Variants in BCL7A observed in about 807,000 individuals in gnomAD.
BCL7A encodes the protein B-cell CLL/lymphoma 7 protein family member A.
Under a neutral mutation model 28.4 loss-of-function variants are expected in BCL7A, and 11 were observed. The observed-to-expected ratio is 0.39, with a 90% confidence interval of 0.24 to 0.64. The LOEUF is 0.64. Among genes scored for constraint, BCL7A ranks in the 30% least tolerant of loss-of-function variants. The pLI, the probability that BCL7A is intolerant of heterozygous loss-of-function variation, is 0.50. For synonymous variants in BCL7A, 123 were observed against 103.3 expected (o/e 1.19, Z -1.15); for missense variants, 222 against 274.8 (o/e 0.81, Z 1.36).
At chr12:122,034,741 C>CAA (rs758389528) in intron 2 of BCL7A, among the ~76,000 whole-genome samples, 15 of 122,056 alleles carry the variant, frequency 1.2e-4, no homozygotes, top group Admixed American at 1.7e-4. Flanking sequence ...GACTCTGTCT[C>CAA]AAAAAAAAAA....
At chr12:122,056,927 G>A (rs923052035) in intron 5 of BCL7A, among the ~76,000 whole-genome samples, 3 of 152,200 alleles carry the variant, frequency 2.0e-5, no homozygotes, top group Non-Finnish European at 2.9e-5. Context: ...CAAGTCCATC[G>A]CATGTCCTAC....
intron 1 of BCL7A, among the ~76,000 whole-genome samples, chr12:122,022,636 C>G (rs1204157448): frequency 6.9e-6 from 1 of 145,644 alleles, no homozygotes; most frequent in African/African-American, 2.5e-5. Flanking sequence ...CCGAGCGGGC[C>G]GCCGCCGCCG....
At chr12:122,022,230 C>A (rs768573278) in intron 1 of BCL7A, 47 bp downstream of exon 1, 1 of 1,325,200 alleles carries the variant, frequency 7.5e-7, no homozygotes, top group Non-Finnish European at 9.9e-7. Context: ...CCGCCCCGAG[C>A]CCGAGCGCGG....
At position 122,059,231 on chromosome 12, in the gene BCL7A, T is replaced by C. The variant is rs1378937206; in HGVS notation, c.*68T>C. ...ATCAGCAATTAATTCTAGAGCAACT[T>C]TGCCCCAGCGATTCCTCTTGGGTGC... On this transcript the variant is annotated 3_prime_UTR_variant, in exon 6 of 6. Coordinates refer to ENST00000261822, the MANE Select transcript of BCL7A (RefSeq NM_001024808.3). The surrounding 1 kb of genome is among the most constrained non-coding windows in gnomAD (Gnocchi z 4.0). 1.4e-6 allele frequency: 2 copies of C among 1,473,024 alleles called. No homozygotes were observed. The highest frequency in any genetic ancestry group is 1.9e-6 in the Non-Finnish European group (2 of 1,056,058). 91.2% of individuals were successfully genotyped at this position (1,473,024 alleles called of 1,614,324 possible). A position where few individuals can be genotyped will look rare whatever the true frequency, so the allele number is the denominator to read the frequency against.
chr12:122,038,573 G>A (rs560376951), intron 3 of BCL7A, among the ~76,000 whole-genome samples: 3 of 152,064 alleles, frequency 2.0e-5, no homozygotes, highest in African/African-American at 7.2e-5. Context: ...GCTGGGATGT[G>A]GCCTGTCTCA....
chr12:122,022,749 C>T (rs2135833563), intron 1 of BCL7A, among the ~76,000 whole-genome samples: 1 of 150,668 alleles, frequency 6.6e-6, no homozygotes, highest in Non-Finnish European at 1.5e-5. Context: ...CTCGAGTCTG[C>T]GGAGTTTGCA....
chr12:122,032,249 CT>C (rs957416840), intron 2 of BCL7A, among the ~76,000 whole-genome samples: 16 of 152,324 alleles, frequency 1.1e-4, no homozygotes, highest in African/African-American at 3.8e-4. Flanking sequence ...TTTGTTGTCC[CT>C]TCTGGTTCTA....
rs1037228037 is a variant in BCL7A at position 122,055,556 on chromosome 12, G to A, written c.561+630G>A. ...TTGGGTAAAACACTTAGCATGGAGC[G>A]GACACAAGATGCAGAGGTGTCATTG... On this transcript the variant is annotated intron_variant, in intron 5 of 5. Coordinates refer to ENST00000261822, the MANE Select transcript of BCL7A (RefSeq NM_001024808.3). Among the ~76,000 whole-genome samples, 14 of 152,178 alleles carry A rather than the reference G, an allele frequency of 9.2e-5. No individual in the cohort carries two copies. The South Asian group carries it at 2.5e-3, about 27-fold the overall frequency.
At chr12:122,038,089 C>G (rs1334859601) in intron 3 of BCL7A, among the ~76,000 whole-genome samples, 6 of 151,528 alleles carry the variant, frequency 4.0e-5, no homozygotes, top group African/African-American at 1.2e-4. Context: ...CCACTGCACT[C>G]CAGCCCAGGC....
Position 122,059,304 on chromosome 12 carries a change from G to A in BCL7A, c.*141G>A. On this transcript the variant is annotated 3_prime_UTR_variant, in exon 6 of 6. Coordinates refer to ENST00000261822, the MANE Select transcript of BCL7A (RefSeq NM_001024808.3). This position sits in a 1 kb window ranked among gnomAD's most constrained non-coding sequence, Gnocchi z 4.0. ...AGTTTACCAAGTGCAAATCCAAGAAGACCCAGAACGGCGTCACTTCTCAGA... is the reference window on the plus strand; with the variant it reads ...AGTTTACCAAGTGCAAATCCAAGAAAACCCAGAACGGCGTCACTTCTCAGA... 1.4e-6 allele frequency: 1 copy of A among 730,642 alleles called. No homozygotes were observed. The highest frequency in any genetic ancestry group is 2.2e-6 in the Non-Finnish European group (1 of 445,090). The allele number at this position is 730,642 out of a possible 1,614,324, so 45.3% of individuals were successfully genotyped here. A position where few individuals can be genotyped will look rare whatever the true frequency, so the allele number is the denominator to read the frequency against.
chr12:122,052,166 CGCCTG>C (rs1188963139), intron 4 of BCL7A, among the ~76,000 whole-genome samples: 5 of 151,778 alleles, frequency 3.3e-5, no homozygotes, highest in Admixed American at 1.3e-4. Flanking sequence ...TGAGCCACCA[CGCCTG>C]GCCTGGCCTG....
intron 3 of BCL7A, 107 bp downstream of exon 3, chr12:122,035,534 G>A: frequency 2.0e-6 from 2 of 1,015,232 alleles, no homozygotes; most frequent in East Asian, 2.6e-5. Flanking sequence ...TCCAGGCAAG[G>A]GGTAGGAGGG....
chr12:122,024,028 C>T (rs1883548946), intron 1 of BCL7A, among the ~76,000 whole-genome samples: 5 of 152,234 alleles, frequency 3.3e-5, no homozygotes, highest in South Asian at 2.1e-4. Flanking sequence ...GAGCGGCCAG[C>T]TGCTCTGCAG....
chr12:122,055,091 G>C (rs1262944484), intron 5 of BCL7A, 165 bp downstream of exon 5: 1 of 1,414,440 alleles, frequency 7.1e-7, no homozygotes, highest in African/African-American at 1.4e-5. Flanking sequence ...ACAGTCCTGG[G>C]CTCTGCCTTG....
intron 4 of BCL7A, among the ~76,000 whole-genome samples, chr12:122,050,260 G>A (rs977921521): frequency 6.6e-6 from 1 of 151,450 alleles, no homozygotes. Context: ...GATTACAGGC[G>A]TGAGCCACCA....
Position 122,048,290 on chromosome 12 carries a change from CTA to C in BCL7A, c.439+4239_439+4240del, listed in dbSNP as rs550700082. On this transcript the variant is annotated intron_variant, in intron 4 of 5. Coordinates refer to ENST00000261822, the MANE Select transcript of BCL7A (RefSeq NM_001024808.3). ...TTAACATTTTATTTGTGAAGCTTAT[CTA>C]TGTCTGAATCCAACAGCCCACTTGA... 2.4e-3 allele frequency among the ~76,000 whole-genome samples: 367 copies of C among 152,076 alleles called. 1 individual carries two copies. The highest frequency in any genetic ancestry group is 8.6e-3 in the African/African-American group (356 of 41,462).
chr12:122,051,950 C>T (rs771443306), intron 4 of BCL7A, among the ~76,000 whole-genome samples: 8 of 138,370 alleles, frequency 5.8e-5, no homozygotes, highest in Non-Finnish European at 9.1e-5. Context: ...TTTCCGCTCA[C>T]TGCAACCTCC....
intron 2 of BCL7A, 56 bp from the exon 3 acceptor site, chr12:122,035,275 C>T (rs1164991211): frequency 7.6e-6 from 11 of 1,453,238 alleles, no homozygotes; most frequent in South Asian, 2.3e-5. Context: ...GCTCTGAGCA[C>T]GTGTGCGCAC....
At chr12:122,022,674 C>G (rs1341560484) in intron 1 of BCL7A, among the ~76,000 whole-genome samples, 1 of 146,870 alleles carries the variant, frequency 6.8e-6, no homozygotes, top group Admixed American at 6.7e-5. Context: ...CCGGCCCGCG[C>G]CCCGCCGCCC....
Sources: gnomAD v4.1 joint callset for allele counts (sites outside exome capture counted in the v4.1 genomes callset) on GRCh38, gnomAD v4.1.1 for gene constraint, Gnocchi (gnomAD v3.1) non-coding constraint, MANE v1.5 for transcripts, NCBI Gene and HGNC (gene_info 2026-07-23, HGNC 2026-07-21) for gene names.